Variants in CARMIL1 observed in about 807,000 individuals in gnomAD.
CARMIL1 encodes the protein capping protein regulator and myosin 1 linker 1.
Under a neutral mutation model 177.1 loss-of-function variants are expected in CARMIL1, and 90 were observed. The observed-to-expected ratio is 0.51, with a 90% CI of 0.43 to 0.61. The LOEUF (loss-of-function observed/expected upper bound fraction) is 0.61, where lower values mean the gene tolerates loss of function less well. CARMIL1 is among the 20% of genes least tolerant of loss of function. The pLI, the probability that CARMIL1 is intolerant of heterozygous loss-of-function variation, is 0.00. For missense variants in CARMIL1, 1,380 were observed against 1,667.0 expected (o/e 0.83, Z 3.00); for synonymous variants, 577 against 606.2 (o/e 0.95, Z 0.71).
intron 5 of CARMIL1, among the ~76,000 whole-genome samples, chr6:25,437,159 T>C (rs1581936797): frequency 1.3e-5 from 2 of 152,200 alleles, no homozygotes; most frequent in African/African-American, 4.8e-5. Flanking sequence ...AATGCGACTT[T>C]GTACATGTGT....
At position 25,420,158 on chromosome 6, in the gene CARMIL1, C is replaced by T; in HGVS notation, c.183C>T (p.Pro61=). Residue 61 remains proline, a synonymous_variant, in exon 3 of 37, where the codon CCC becomes CCT. Transcript: ENST00000329474. ...CCTTCCTTGTAACAGCGCGAATCCC[C>T]ACCAAGGTAAGTGTTGATGAAGTCC... The part of the protein sequence containing the change: ...CRAFLVTARI[P]TKLELTFSYL... 3 of 1,613,510 alleles carry T rather than the reference C, an allele frequency of 1.9e-6. No homozygotes were observed. The highest frequency in any genetic ancestry group is 1.1e-5 in the South Asian group (1 of 91,070).
At chr6:25,482,576 T>C (rs1042410585) in intron 12 of CARMIL1, among the ~76,000 whole-genome samples, 1 of 152,230 alleles carries the variant, frequency 6.6e-6, no homozygotes, top group African/African-American at 2.4e-5. Flanking sequence ...ACATGCAGTC[T>C]TTAACTTTTA....
At chr6:25,456,116 G>A (rs1490278220) in intron 8 of CARMIL1, among the ~76,000 whole-genome samples, 1 of 152,206 alleles carries the variant, frequency 6.6e-6, no homozygotes, top group Non-Finnish European at 1.5e-5. Flanking sequence ...ACTGAAGGAT[G>A]GAGAGGCATG....
At chr6:25,347,352 G>A (rs564151207) in intron 2 of CARMIL1, among the ~76,000 whole-genome samples, 234 of 152,286 alleles carry the variant, frequency 1.5e-3, no homozygotes, top group African/African-American at 5.4e-3. Context: ...TTTACCAACA[G>A]CCCATTGATC....
chr6:25,322,317 T>G (rs1008392872), intron 2 of CARMIL1, among the ~76,000 whole-genome samples: 3 of 151,888 alleles, frequency 2.0e-5, no homozygotes, highest in African/African-American at 7.3e-5. Flanking sequence ...GAGACAGGGT[T>G]TCGCCATGTT....
At chr6:25,499,649 C>T (rs988887265) in intron 16 of CARMIL1, among the ~76,000 whole-genome samples, 7 of 152,146 alleles carry the variant, frequency 4.6e-5, no homozygotes, top group African/African-American at 1.4e-4. Flanking sequence ...ATACCCTTGC[C>T]CACCCACTAC....
At chr6:25,530,904 A>G (rs942217179) in intron 24 of CARMIL1, among the ~76,000 whole-genome samples, 1 of 152,164 alleles carries the variant, frequency 6.6e-6, no homozygotes, top group African/African-American at 2.4e-5. Flanking sequence ...TTATAGCTAC[A>G]TTTTAGAGGG....
In CARMIL1 at chr6:25,349,582, G is replaced by A. The variant is rs564591754; in HGVS notation, c.138+64673G>A. On this transcript the variant is annotated intron_variant, in intron 2 of 36. Transcript: ENST00000329474. ...TTTTCCAGAAAAATTTATGTTTGTG[G>A]CTTCTCTTTAAAAGATTGGTAGTTC... Among the ~76,000 whole-genome samples the A allele has an allele frequency of 2.0e-5, 3 of 152,268 alleles. No homozygotes were observed. The East Asian group carries it at 5.8e-4, about 29-fold the overall frequency.
chr6:25,305,587 G>A (rs534737858), intron 2 of CARMIL1, among the ~76,000 whole-genome samples: 85 of 152,298 alleles, frequency 5.6e-4, no homozygotes, highest in African/African-American at 1.5e-3. Context: ...TATGGTCTGC[G>A]GCTCTAAGAA....
rs1417362030 is a variant in CARMIL1, at chr6:25,610,105, G to T, written c.3903G>T (p.Leu1301=). The change falls in exon 36 of 37, where the codon CTG becomes CTT. Residue 1301 remains leucine (L), a synonymous_variant. Transcript: ENST00000329474. The part of the protein sequence containing the change: ...SPKVALLPPV[L]KKVPSDKERD... ...AAGTTGCCCTTCTTCCACCTGTCCT[G>T]AAAAAAGTTCCTTCAGACAAAGAGA... 6 of 1,613,734 alleles carry T rather than the reference G, an allele frequency of 3.7e-6. No homozygotes were observed. The highest frequency in any genetic ancestry group is 5.1e-6 in the Non-Finnish European group (6 of 1,179,858).
At chr6:25,361,512 GT>G (rs1426221509) in intron 2 of CARMIL1, among the ~76,000 whole-genome samples, 4 of 151,816 alleles carry the variant, frequency 2.6e-5, no homozygotes, top group Non-Finnish European at 5.9e-5. Context: ...CTTACTACCT[GT>G]TTCAGGAATA....
At chr6:25,299,978 C>CAA (rs201932888) in intron 2 of CARMIL1, among the ~76,000 whole-genome samples, 5 of 96,358 alleles carry the variant, frequency 5.2e-5, no homozygotes, top group Admixed American at 1.1e-4. Context: ...GACTCCACCT[C>CAA]AAAAAAAAAA....
At position 25,574,970 on chromosome 6, in the gene CARMIL1, TGAGA is replaced by T. The variant is rs369869970; in HGVS notation, c.2743-5952_2743-5949del. Among the ~76,000 whole-genome samples the T allele has an allele frequency of 1.0e-3, 159 of 152,342 alleles. 6 individuals are homozygous for T. In the South Asian group the frequency reaches 0.03, roughly 29 times the overall value. ...TAATCACAGCCAATTATTGAAGCAC[TGAGA>T]GGTCACTGATTGGCACTGTTTGCCA... On this transcript the variant is annotated intron_variant, in intron 29 of 36. Coordinates refer to ENST00000329474, the MANE Select transcript of CARMIL1 (RefSeq NM_017640.6).
intron 26 of CARMIL1, among the ~76,000 whole-genome samples, chr6:25,543,445 T>C (rs1809111277): frequency 6.6e-6 from 1 of 152,154 alleles, no homozygotes. Flanking sequence ...CTGTTTTAGA[T>C]ATTTCAGAAT....
chr6:25,477,107 A>C (rs1801646657), intron 11 of CARMIL1, among the ~76,000 whole-genome samples: 1 of 151,580 alleles, frequency 6.6e-6, no homozygotes, highest in Non-Finnish European at 1.5e-5. Flanking sequence ...AAAAAACAAA[A>C]AACAAACAAC....
intron 2 of CARMIL1, among the ~76,000 whole-genome samples, chr6:25,349,834 T>C (rs1162386152): frequency 2.6e-5 from 4 of 151,802 alleles, no homozygotes; most frequent in African/African-American, 9.7e-5. Context: ...GTTCAAGCTA[T>C]TCTCCTGCCT....
chr6:25,533,147 C>T, intron 24 of CARMIL1, among the ~76,000 whole-genome samples: 1 of 152,286 alleles, frequency 6.6e-6, no homozygotes, highest in Non-Finnish European at 1.5e-5. Flanking sequence ...ATTTGCAGTC[C>T]TAACTTCTTT....
chr6:25,586,649 C>G (rs938951797), intron 31 of CARMIL1, among the ~76,000 whole-genome samples: 2 of 152,092 alleles, frequency 1.3e-5, no homozygotes, highest in Non-Finnish European at 2.9e-5. Flanking sequence ...CGCCACTGCA[C>G]TCCAGCCTGG....
At chr6:25,612,567 A>C (rs1816588753) in intron 36 of CARMIL1, among the ~76,000 whole-genome samples, 1 of 152,190 alleles carries the variant, frequency 6.6e-6, no homozygotes, top group South Asian at 2.1e-4. Flanking sequence ...TGGCTGTTGA[A>C]TTCTGTAGAT....
Sources: allele counts gnomAD v4.1 joint callset (sites outside exome capture counted in the v4.1 genomes callset), GRCh38; gene constraint gnomAD v4.1.1; transcripts MANE v1.5; gene names NCBI Gene and HGNC (gene_info 2026-07-23, HGNC 2026-07-21).